The following NRG3 variants were observed in gnomAD, a reference collection of about 807,000 sequenced individuals.
NRG3 encodes the protein neuregulin 3.
A neutral mutation model predicts 66.9 loss-of-function variants in NRG3; 31 were observed. The ratio of observed to expected loss-of-function variants is 0.46; its 90% confidence interval spans 0.35 to 0.63. The LOEUF (loss-of-function observed/expected upper bound fraction) is 0.63, where lower values mean the gene tolerates loss of function less well. Ranked by LOEUF, NRG3 falls within the 20% of genes least tolerant of loss-of-function variation. NRG3 has a pLI of 0.00. For synonymous variants in NRG3, 393 were observed against 359.4 expected, an observed-to-expected ratio of 1.09 and a Z score of -1.06; for missense variants, 910 against 878.9, an observed-to-expected ratio of 1.04 and a Z score of -0.45.
chr10:82,021,102 T>G (rs2062037641), intron 1 of NRG3, among the ~76,000 whole-genome samples: 1 of 152,052 alleles, frequency 6.6e-6, no homozygotes, highest in Non-Finnish European at 1.5e-5. Context: ...ATGGCCTTCT[T>G]GGCTTCCTGC....
intron 4 of NRG3, among the ~76,000 whole-genome samples, chr10:82,878,977 A>G (rs2136043651): frequency 6.6e-6 from 1 of 152,302 alleles, no homozygotes; most frequent in Non-Finnish European, 1.5e-5. Context: ...TAGCTATTGT[A>G]CTTATCTGCA....
chr10:82,343,043 A>G (rs1237972622), intron 1 of NRG3, among the ~76,000 whole-genome samples: 1 of 152,008 alleles, frequency 6.6e-6, no homozygotes, highest in Non-Finnish European at 1.5e-5. Flanking sequence ...CCCAGTGTAT[A>G]TTTTTGTTGA....
At chr10:82,001,159 C>T (rs1045991063) in intron 1 of NRG3, among the ~76,000 whole-genome samples, 4 of 146,994 alleles carry the variant, frequency 2.7e-5, no homozygotes, top group Admixed American at 7.0e-5. Context: ...GATTGTTGTT[C>T]GGGCTCATAC....
intron 2 of NRG3, among the ~76,000 whole-genome samples, chr10:82,482,128 G>A (rs975546069): frequency 7.2e-5 from 11 of 151,882 alleles, no homozygotes; most frequent in Admixed American, 2.0e-4. Flanking sequence ...GGGATTATAC[G>A]TGTAGAATTA....
At chr10:82,887,205 A>G (rs958905992) in intron 4 of NRG3, among the ~76,000 whole-genome samples, 1 of 152,208 alleles carries the variant, frequency 6.6e-6, no homozygotes, top group Non-Finnish European at 1.5e-5. Context: ...CTCAGAGATT[A>G]GGATAGAGCA....
chr10:82,865,546 A>G, intron 4 of NRG3, 109 bp downstream of exon 4: 1 of 1,121,082 alleles, frequency 8.9e-7, no homozygotes, highest in Non-Finnish European at 1.3e-6. Flanking sequence ...TCATTATCAG[A>G]TGCTATTAGT....
At chr10:82,017,339 T>G (rs1465932370) in intron 1 of NRG3, among the ~76,000 whole-genome samples, 2 of 152,228 alleles carry the variant, frequency 1.3e-5, no homozygotes, top group African/African-American at 4.8e-5. Flanking sequence ...AGTCTATCAT[T>G]GTTGGACATT....
chr10:82,531,336 A>G (rs1847239417), intron 2 of NRG3, among the ~76,000 whole-genome samples: 1 of 151,820 alleles, frequency 6.6e-6, no homozygotes. Flanking sequence ...TGATTAACAT[A>G]TATGACTATC....
At chr10:82,335,583 G>A (rs968571719) in intron 1 of NRG3, among the ~76,000 whole-genome samples, 6 of 152,098 alleles carry the variant, frequency 3.9e-5, no homozygotes, top group African/African-American at 1.4e-4. Context: ...GTTTAAGGCA[G>A]CATTGAGCCA....
At chr10:82,493,885 T>C (rs1054654752) in intron 2 of NRG3, among the ~76,000 whole-genome samples, 1 of 152,126 alleles carries the variant, frequency 6.6e-6, no homozygotes, top group African/African-American at 2.4e-5. Flanking sequence ...TACACGGAAC[T>C]TAAACTTACA....
chr10:82,856,323 T>C (rs988757987), intron 3 of NRG3, among the ~76,000 whole-genome samples: 3 of 152,098 alleles, frequency 2.0e-5, no homozygotes, highest in African/African-American at 2.4e-5. Flanking sequence ...GGATTTGAGA[T>C]TTTTTCCCAT....
chr10:82,697,662 G>A (rs1276227931), intron 2 of NRG3, among the ~76,000 whole-genome samples: 1 of 152,138 alleles, frequency 6.6e-6, no homozygotes, highest in Non-Finnish European at 1.5e-5. Flanking sequence ...GTGGGCAATT[G>A]GAATGATATC....
chr10:82,523,553 CT>C (rs970080420), intron 2 of NRG3, among the ~76,000 whole-genome samples: 1 of 151,906 alleles, frequency 6.6e-6, no homozygotes, highest in Non-Finnish European at 1.5e-5. Flanking sequence ...ATCCCTCACT[CT>C]TTTTTTAATT....
intron 2 of NRG3, among the ~76,000 whole-genome samples, chr10:82,517,728 G>A (rs914980089): frequency 2.0e-5 from 3 of 151,498 alleles, no homozygotes; most frequent in Admixed American, 2.0e-4. Flanking sequence ...ATTAGGTGGA[G>A]GGTTGGTAAG....
chr10:82,794,797 A>T (rs1321604881), intron 3 of NRG3, among the ~76,000 whole-genome samples: 2 of 112,282 alleles, frequency 1.8e-5, no homozygotes, highest in South Asian at 5.6e-4. Context: ...AGTGGAGCTC[A>T]GCTACCATCG....
intron 2 of NRG3, among the ~76,000 whole-genome samples, chr10:82,693,802 G>A (rs1397810429): frequency 6.6e-6 from 1 of 152,276 alleles, no homozygotes; most frequent in East Asian, 1.9e-4. Context: ...CAGCTTTAAA[G>A]GTGGTGCAGA....
At chr10:82,499,408 A>C (rs539537651) in intron 2 of NRG3, among the ~76,000 whole-genome samples, 1 of 152,300 alleles carries the variant, frequency 6.6e-6, no homozygotes, top group East Asian at 1.9e-4. Flanking sequence ...CCTAGAAGAT[A>C]ATAAAAATGA....
At chr10:82,981,756 A>G (rs1852928579) in intron 8 of NRG3, among the ~76,000 whole-genome samples, 2 of 152,190 alleles carry the variant, frequency 1.3e-5, no homozygotes, top group African/African-American at 2.4e-5. Flanking sequence ...TCCCTGGTCA[A>G]TGACAGCCAT....
chr10:82,806,622 T>A (rs2061295557), intron 3 of NRG3, among the ~76,000 whole-genome samples: 1 of 152,204 alleles, frequency 6.6e-6, no homozygotes, highest in African/African-American at 2.4e-5. Flanking sequence ...TTGTTTCACA[T>A]TTCTGAGATG....
Sources: allele counts gnomAD v4.1 joint callset (sites outside exome capture counted in the v4.1 genomes callset), GRCh38; gene constraint gnomAD v4.1.1; transcripts MANE v1.5; gene names NCBI Gene and HGNC (gene_info 2026-07-23, HGNC 2026-07-21).